The following SVEP1 variants were observed in gnomAD, a reference collection of about 807,000 sequenced individuals.
SVEP1 encodes the protein sushi, von Willebrand factor type A, EGF and pentraxin domain-containing protein 1.
Under a neutral mutation model 367.3 loss-of-function variants are expected in SVEP1, and 164 were observed. That is an observed-to-expected ratio of 0.45 (90% CI 0.39 to 0.51). SVEP1 has a LOEUF of 0.51. Among genes scored for constraint, SVEP1 ranks in the 20% least tolerant of loss-of-function variants. The pLI is 0.00. For missense variants in SVEP1, 4,117 were observed against 4,425.3 expected (o/e 0.93, Z 1.98); for synonymous variants, 1,666 against 1,611.6 (o/e 1.03, Z -0.81).
At chr9:110,475,992 C>A (rs1008851694) in intron 14 of SVEP1, 190 of 425,346 alleles carry the variant, frequency 4.5e-4, no homozygotes, top group Non-Finnish European at 6.8e-4. Context: ...TTTTAAGAAT[C>A]CTGGCAAATA....
chr9:110,576,536 T>C (rs1830629567), intron 1 of SVEP1, among the ~76,000 whole-genome samples: 1 of 152,044 alleles, frequency 6.6e-6, no homozygotes, highest in South Asian at 2.1e-4. Context: ...GATTATTTTA[T>C]TTTCTGCAAT....
At chr9:110,389,934 T>A (rs1827602167) in intron 40 of SVEP1, among the ~76,000 whole-genome samples, 1 of 151,192 alleles carries the variant, frequency 6.6e-6, no homozygotes, top group South Asian at 2.1e-4. Flanking sequence ...TCATAGTGTA[T>A]CATAATATAT....
intron 29 of SVEP1, 138 bp from the exon 30 acceptor site, chr9:110,434,644 G>T: frequency 3.7e-5 from 4 of 107,304 alleles, no homozygotes; most frequent in Admixed American, 3.6e-4. Context: ...CATGTAACCA[G>T]ATCACTGGCA....
At position 110,446,048 on chromosome 9, in the gene SVEP1, A is replaced by C. The variant is rs1368247647; in HGVS notation, c.4262-10T>G. 6.3e-7 allele frequency: 1 copy of C among 1,599,322 alleles called. No individual in the cohort carries two copies. Among genetic ancestry groups the C allele is most frequent in the Non-Finnish European group, 8.5e-7 (1 of 1,172,302 alleles). On this transcript the variant is annotated splice_polypyrimidine_tract_variant and intron_variant, in intron 25 of 47. Transcript: ENST00000374469. ...AAGCCTGTAGACTGTTCTGCAATGA[A>C]TAAGAAAAGTGTGCAGACTGTGGCA...
At chr9:110,451,791 G>A (rs1391103364) in intron 22 of SVEP1, among the ~76,000 whole-genome samples, 1 of 152,134 alleles carries the variant, frequency 6.6e-6, no homozygotes, top group Non-Finnish European at 1.5e-5. Flanking sequence ...AAAATTATGG[G>A]AGAAATATAT....
chr9:110,439,084 ACTGTGT>A (rs1458347431), intron 27 of SVEP1, among the ~76,000 whole-genome samples: 1 of 152,162 alleles, frequency 6.6e-6, no homozygotes, highest in Non-Finnish European at 1.5e-5. Flanking sequence ...TATGCACTGA[ACTGTGT>A]CCCCGCCAAA....
At chr9:110,541,167 C>T (rs1004846358) in intron 3 of SVEP1, among the ~76,000 whole-genome samples, 1 of 152,130 alleles carries the variant, frequency 6.6e-6, no homozygotes, top group Non-Finnish European at 1.5e-5. Context: ...ATGGGCATTT[C>T]TAATATTCTA....
intron 47 of SVEP1, among the ~76,000 whole-genome samples, chr9:110,368,157 G>C (rs1827225998): frequency 6.6e-6 from 1 of 152,168 alleles, no homozygotes; most frequent in South Asian, 2.1e-4. Flanking sequence ...ACAGGATGGA[G>C]GAGACCCTGG....
At chr9:110,512,854 G>A (rs2118775378) in intron 5 of SVEP1, 72 bp downstream of exon 5, 1 of 1,543,950 alleles carries the variant, frequency 6.5e-7, no homozygotes, top group Non-Finnish European at 8.9e-7. Flanking sequence ...GAACTGACTG[G>A]TTTACTAGAG....
chr9:110,488,516 A>G (rs946289678), intron 9 of SVEP1, among the ~76,000 whole-genome samples: 10 of 152,082 alleles, frequency 6.6e-5, no homozygotes, highest in African/African-American at 2.4e-4. Context: ...AAAGACTAAC[A>G]TCAAGGAAGC....
chr9:110,451,180 A>T, intron 23 of SVEP1, 109 bp downstream of exon 23: 1 of 820,544 alleles, frequency 1.2e-6, no homozygotes, highest in Non-Finnish European at 1.9e-6. Flanking sequence ...TAATCACCAT[A>T]CAGTAATAAA....
chr9:110,558,513 C>CAAAAAAAAAAA (rs59604799), intron 1 of SVEP1, among the ~76,000 whole-genome samples: 2 of 90,782 alleles, frequency 2.2e-5, no homozygotes, highest in Non-Finnish European at 4.3e-5. Context: ...GACCCTGTCT[C>CAAAAAAAAAAA]AAAAAAAAAA....
rs1329490435 is a variant in SVEP1, at chr9:110,442,795, T to C, written c.4639+750A>G. The C allele has an allele frequency of 3.3e-5, 5 of 152,296 alleles. No homozygotes were observed. The East Asian group carries it at 9.6e-4, about 29-fold the overall frequency. The allele number at this position is 152,296 out of a possible 1,614,324, so 9.4% of individuals were successfully genotyped here. A position where few individuals can be genotyped will look rare whatever the true frequency, so the allele number is the denominator to read the frequency against. ...TCTAATAAATAAAATAAGTATTGTA[T>C]TTGAGGCTTCGCAAGGGTCATCTCA... On this transcript the variant is annotated intron_variant, in intron 27 of 47. Coordinates refer to ENST00000374469, the MANE Select transcript of SVEP1 (RefSeq NM_153366.4).
chr9:110,522,887 A>C lies in SVEP1; in HGVS notation c.965-8781T>G, dbSNP rs552002857. On this transcript the variant is annotated intron_variant, in intron 3 of 47. Coordinates refer to ENST00000374469, the MANE Select transcript of SVEP1 (RefSeq NM_153366.4). Reference sequence around the variant, plus strand: ...TTCCATTATTGGTACACTAATTTAAAAGCCTTTTTATTTTAGGCCTTGATT... The same window carrying C: ...TTCCATTATTGGTACACTAATTTAACAGCCTTTTTATTTTAGGCCTTGATT... 3.3e-5 allele frequency among the ~76,000 whole-genome samples: 5 copies of C among 152,314 alleles called. No homozygotes were observed. In the South Asian group the frequency reaches 1.0e-3, roughly 32 times the overall value.
chr9:110,446,026 C>A lies in SVEP1; in HGVS notation c.4274G>T (p.Gly1425Val). Reference protein sequence around the residue: ...GKRCETEQSTGFNLDFEVSGI... With the variant: ...GKRCETEQSTVFNLDFEVSGI... The stretch of plus-strand genomic sequence containing the variant: ...AGAAACTTCAAAATCCAGGTTAAAG[C>A]CTGTAGACTGTTCTGCAATGAATAA... Residue 1425 changes from glycine to valine, a missense_variant, in exon 26 of 48, where the codon GGC becomes GTC. By Grantham distance (109) the Gly-to-Val change is moderately radical (BLOSUM62 -3). This residue lies in a region of SVEP1 where 2,174 missense variants were observed against 2,494.3 expected (regional missense o/e 0.87). Transcript: ENST00000374469. 6.2e-7 allele frequency: 1 copy of A among 1,610,832 alleles called. No homozygotes were observed. Among genetic ancestry groups the A allele is most frequent in the Non-Finnish European group, 8.5e-7 (1 of 1,178,238 alleles).
chr9:110,424,802 G>A (rs1828227884), intron 36 of SVEP1, among the ~76,000 whole-genome samples: 1 of 152,146 alleles, frequency 6.6e-6, no homozygotes, highest in South Asian at 2.1e-4. Context: ...AGCCTCCCGA[G>A]TAGCTGGGAT....
intron 27 of SVEP1, among the ~76,000 whole-genome samples, chr9:110,437,097 T>C (rs940710054): frequency 2.0e-5 from 3 of 152,186 alleles, no homozygotes; most frequent in Admixed American, 6.5e-5. Flanking sequence ...CTCAGCTTTG[T>C]GTCCCAAAGG....
intron 43 of SVEP1, among the ~76,000 whole-genome samples, chr9:110,385,075 G>T (rs1316475749): frequency 6.6e-6 from 1 of 152,154 alleles, no homozygotes; most frequent in African/African-American, 2.4e-5. Context: ...CCACCTTCCA[G>T]GTTCAAGAGA....
chr9:110,457,215 T>C, intron 21 of SVEP1, 41 bp downstream of exon 21: 1 of 1,457,546 alleles, frequency 6.9e-7, no homozygotes, highest in South Asian at 1.2e-5. Flanking sequence ...AATGATTTCA[T>C]ATAAAATATA....
Sources: gnomAD v4.1 joint callset for allele counts (sites outside exome capture counted in the v4.1 genomes callset) on GRCh38, gnomAD v4.1.1 for gene constraint, gnomAD v4.1.1 regional missense constraint, MANE v1.5 for transcripts, NCBI Gene and HGNC (gene_info 2026-07-23, HGNC 2026-07-21) for gene names.